TMEM94: variants seen among roughly 807,000 people sequenced by gnomAD.
TMEM94 encodes transmembrane protein 94, also known as ER Mg2+ ATPase.
Under a neutral mutation model 158.6 loss-of-function variants are expected in TMEM94, and 81 were observed. The observed-to-expected ratio is 0.51, with a 90% CI of 0.43 to 0.61. The LOEUF is 0.61. Among genes scored for constraint, TMEM94 ranks in the 20% least tolerant of loss-of-function variants. The pLI is 0.00. For synonymous variants in TMEM94, 751 were observed against 730.7 expected (o/e 1.03, Z -0.45); for missense variants, 1,435 against 1,762.0 (o/e 0.81, Z 3.32).
chr17:75,490,073 G>T (rs113777250), intron 9 of TMEM94, 161 bp from the exon 10 acceptor site: 29 of 940,248 alleles, frequency 3.1e-5, no homozygotes, highest in Non-Finnish European at 3.6e-5. Flanking sequence ...GCAAGACTCC[G>T]TCTCAAAAAA....
In TMEM94 at chr17:75,491,169, G is replaced by T. The variant is rs753418316; in HGVS notation, c.1233+16G>T. ...CTCTGTCACGGTGAGGGTGGGCCTT[G>T]CGGGGAGGAGGCAACTGTCATGCCC... On this transcript the variant is annotated intron_variant, in intron 12 of 31. Transcript: ENST00000314256. This position sits in a 1 kb window ranked among gnomAD's most constrained non-coding sequence, Gnocchi z 5.1. The T allele has an allele frequency of 6.2e-7, 1 of 1,600,372 alleles. No homozygotes were observed. The highest frequency in any genetic ancestry group is 1.3e-5 in the African/African-American group (1 of 74,852).
chr17:75,467,043 C>T (rs1157062375), intron 1 of TMEM94, among the ~76,000 whole-genome samples: 9 of 146,576 alleles, frequency 6.1e-5, no homozygotes, highest in South Asian at 4.3e-4. Context: ...GATGTGATCT[C>T]GGCTCACTGC....
chr17:75,486,073 G>T, intron 4 of TMEM94, 75 bp downstream of exon 4: 1 of 1,491,786 alleles, frequency 6.7e-7, no homozygotes. Context: ...GGACAGACCA[G>T]GGCTCTTGGG....
chr17:75,480,737 G>A (rs928760685), intron 2 of TMEM94, among the ~76,000 whole-genome samples: 2 of 152,178 alleles, frequency 1.3e-5, no homozygotes, highest in Non-Finnish European at 2.9e-5. Flanking sequence ...ATTCTAGGCC[G>A]AGCATCTTCC....
intron 1 of TMEM94, among the ~76,000 whole-genome samples, chr17:75,463,127 C>T (rs1372073622): frequency 0.013 from 25 of 1,912 alleles, no homozygotes; most frequent in East Asian, 0.028. Flanking sequence ...TATATATATA[C>T]GTGTATATAT....
chr17:75,459,239 G>A (rs1374905126), intron 1 of TMEM94, among the ~76,000 whole-genome samples: 1 of 152,130 alleles, frequency 6.6e-6, no homozygotes, highest in Non-Finnish European at 1.5e-5. Context: ...GAAACTGGTG[G>A]ATACTGTGGA....
Position 75,489,880 on chromosome 17 carries a change from A to G in TMEM94, c.954+218A>G, listed in dbSNP as rs1325061675. 3.4e-6 allele frequency: 2 copies of G among 596,306 alleles called. No homozygotes were observed. Among genetic ancestry groups the G allele is most frequent in the Non-Finnish European group, 6.0e-6 (2 of 333,594 alleles). The allele number at this position is 596,306 out of a possible 1,614,324, so 36.9% of individuals were successfully genotyped here. On this transcript the variant is annotated intron_variant, in intron 9 of 31. Transcript: ENST00000314256. This position sits in a 1 kb window ranked among gnomAD's most constrained non-coding sequence, Gnocchi z 5.0. ...CAGATCATGAGGTCAAGAGATCGAG[A>G]CCATCCTGGCCAATATGGTGAAACC...
chr17:75,464,497 C>G (rs1462919829), intron 1 of TMEM94, among the ~76,000 whole-genome samples: 2 of 151,980 alleles, frequency 1.3e-5, no homozygotes, highest in Admixed American at 1.3e-4. Context: ...AACAAACAAA[C>G]AAACCTGGGG....
chr17:75,476,903 A>G (rs1001269776), intron 2 of TMEM94, among the ~76,000 whole-genome samples: 20 of 152,072 alleles, frequency 1.3e-4, no homozygotes, highest in Non-Finnish European at 5.9e-5. Flanking sequence ...TGGGAAGGGG[A>G]TTGGGAATGA....
At chr17:75,467,114 A>G (rs934940419) in intron 1 of TMEM94, among the ~76,000 whole-genome samples, 2 of 151,066 alleles carry the variant, frequency 1.3e-5, no homozygotes, top group Non-Finnish European at 2.9e-5. Context: ...AGCTGGGATT[A>G]CAGGCACCCA....
Position 75,491,558 on chromosome 17 carries a change from G to C in TMEM94, c.1386+103G>C. The C allele has an allele frequency of 6.3e-7, 1 of 1,582,534 alleles. No homozygotes were observed. The stretch of plus-strand genomic sequence containing the variant: ...GGGTGAGGTTTCGGAGGGCGAAGGA[G>C]GGTTTGGGCACCATTAGGATCTGCT... On this transcript the variant is annotated intron_variant, in intron 13 of 31. Coordinates refer to ENST00000314256, the MANE Select transcript of TMEM94 (RefSeq NM_014738.6). This position sits in a 1 kb window ranked among gnomAD's most constrained non-coding sequence, Gnocchi z 5.1.
rs1301394664 is a variant in TMEM94 at position 75,489,665 on chromosome 17, A to G, written c.954+3A>G. 1 of 1,611,458 alleles carries G rather than the reference A, an allele frequency of 6.2e-7. No individual in the cohort carries two copies. The highest frequency in any genetic ancestry group is 2.2e-5 in the East Asian group (1 of 44,868). ...AGTACACCCTCCTCCAGCTCCAGGC[A>G]AGGACCACCCTGTCCTCTCTGTCAT... is the stretch of plus-strand genomic sequence containing the variant. On this transcript the variant is annotated splice_donor_region_variant and intron_variant, in intron 9 of 31. Transcript: ENST00000314256. This position sits in a 1 kb window ranked among gnomAD's most constrained non-coding sequence, Gnocchi z 5.0.
At position 75,489,451 on chromosome 17, in the gene TMEM94, G is replaced by A; in HGVS notation, c.867+83G>A. ...GGGGGTCTCAGGGCCACTCACATGAGCGGGAGTGAATGCAGAGGGTCCCAG... is the reference window on the plus strand; with the variant it reads ...GGGGGTCTCAGGGCCACTCACATGAACGGGAGTGAATGCAGAGGGTCCCAG... On this transcript the variant is annotated intron_variant, in intron 8 of 31. Coordinates refer to ENST00000314256, the MANE Select transcript of TMEM94 (RefSeq NM_014738.6). The surrounding 1 kb of genome is among the most constrained non-coding windows in gnomAD (Gnocchi z 5.0). 2.0e-6 allele frequency: 3 copies of A among 1,493,570 alleles called. No homozygotes were observed. The highest frequency in any genetic ancestry group is 2.3e-5 in the East Asian group (1 of 44,198). The allele number at this position is 1,493,570 out of a possible 1,614,324, so 92.5% of individuals were successfully genotyped here. A position where few individuals can be genotyped will look rare whatever the true frequency, so the allele number is the denominator to read the frequency against.
chr17:75,491,969 C>A lies in TMEM94; in HGVS notation c.1596+69C>A. 6.9e-7 allele frequency: 1 copy of A among 1,452,306 alleles called. No individual in the cohort carries two copies. The highest frequency in any genetic ancestry group is 1.2e-5 in the South Asian group (1 of 82,210). The allele number at this position is 1,452,306 out of a possible 1,614,324, so 90.0% of individuals were successfully genotyped here. A position where few individuals can be genotyped will look rare whatever the true frequency, so the allele number is the denominator to read the frequency against. ...AGGCTGTCCTGGCCTCCCTGGCCAG[C>A]CTGGCCTCACAAGGTCTGAAAGAGC... On this transcript the variant is annotated intron_variant, in intron 14 of 31. Coordinates refer to ENST00000314256, the MANE Select transcript of TMEM94 (RefSeq NM_014738.6). The surrounding 1 kb of genome is among the most constrained non-coding windows in gnomAD (Gnocchi z 5.1).
chr17:75,479,697 C>T (rs1281656146), intron 2 of TMEM94, among the ~76,000 whole-genome samples: 2 of 151,708 alleles, frequency 1.3e-5, no homozygotes, highest in African/African-American at 2.4e-5. Flanking sequence ...GTGGGCAGAT[C>T]ACATGAGCCC....
chr17:75,464,018 G>T (rs1304198722), intron 1 of TMEM94, among the ~76,000 whole-genome samples: 2 of 152,170 alleles, frequency 1.3e-5, no homozygotes, highest in African/African-American at 4.8e-5. Flanking sequence ...TACAAGCACA[G>T]CTAATGAAGA....
rs766587219 is a variant in TMEM94, at chr17:75,496,749, G to A, written c.3263G>A (p.Gly1088Asp). Residue 1088 changes from glycine (G) to aspartate (D), a missense_variant, in exon 25 of 32, where the codon GGC becomes GAC. Physicochemically the swap from Gly to Asp is moderately conservative, Grantham distance 94. Around this residue, in one of 3 missense-constraint regions of TMEM94, gnomAD observed 335 missense variants for 409.1 expected, o/e 0.82. Coordinates refer to ENST00000314256, the MANE Select transcript of TMEM94 (RefSeq NM_014738.6). ...LIEQARHATYGIRKCFLFLLQ... is the reference protein window; with the variant it reads ...LIEQARHATYDIRKCFLFLLQ... ...CCCTAGGCTCGGCATGCCACCTATG[G>A]CATCCGTAAGTGCTTCCTCTTCCTG... 2.5e-6 allele frequency: 4 copies of A among 1,613,852 alleles called. No individual in the cohort carries two copies. The highest frequency in any genetic ancestry group is 3.4e-6 in the Non-Finnish European group (4 of 1,180,006).
At chr17:75,472,100 A>G in intron 2 of TMEM94, 171 bp downstream of exon 2, 1 of 629,908 alleles carries the variant, frequency 1.6e-6, no homozygotes, top group South Asian at 1.8e-5. Flanking sequence ...GCTGGAAAGC[A>G]CAGACTCACA....
At chr17:75,490,153 G>A (rs999430846) in intron 9 of TMEM94, 81 bp from the exon 10 acceptor site, 6 of 1,549,864 alleles carry the variant, frequency 3.9e-6, no homozygotes, top group South Asian at 1.2e-5. Context: ...GGGAATGGCC[G>A]TGGGGCCAGG....
Sources: allele counts gnomAD v4.1 joint callset (sites outside exome capture counted in the v4.1 genomes callset), GRCh38; gene constraint gnomAD v4.1.1; regional missense constraint gnomAD v4.1.1; non-coding constraint Gnocchi (gnomAD v3.1); transcripts MANE v1.5; gene names NCBI Gene and HGNC (gene_info 2026-07-23, HGNC 2026-07-21).